The following OR56A1 variants were observed in gnomAD, a reference collection of about 807,000 sequenced individuals.
OR56A1 encodes olfactory receptor 56A1.
For synonymous variants in OR56A1, 174 were observed against 159.1 expected (o/e 1.09, Z -0.70); for missense variants, 360 against 380.9 (o/e 0.94, Z 0.46).
At position 6,025,739 on chromosome 11, in the gene OR56A1, C is replaced by T. The variant is rs1194697023; in HGVS notation, c.*1009G>A. On this transcript the variant is annotated 3_prime_UTR_variant, in exon 2 of 2. Transcript: ENST00000641900. Reference sequence around the variant, plus strand: ...TCCTAGCCTTTTAGGTTCTAATGACCCAACCTCTTTCCAAGTGGAGGTTTC... The same window carrying T: ...TCCTAGCCTTTTAGGTTCTAATGACTCAACCTCTTTCCAAGTGGAGGTTTC... 1 of 152,156 alleles carries T rather than the reference C, an allele frequency of 6.6e-6. No individual in the cohort carries two copies. The highest frequency in any genetic ancestry group is 1.5e-5 in the Non-Finnish European group (1 of 68,038). 9.4% of individuals were successfully genotyped at this position (152,156 alleles called of 1,614,324 possible). A position where few individuals can be genotyped will look rare whatever the true frequency, so the allele number is the denominator to read the frequency against.
In OR56A1 at chr11:6,021,551, T is replaced by C. The variant is rs1848396568; in HGVS notation, c.*5197A>G. On this transcript the variant is annotated 3_prime_UTR_variant, in exon 2 of 2. Coordinates refer to ENST00000641900, the MANE Select transcript of OR56A1 (RefSeq NM_001388488.1). ...ATGAATAATTAAATAAAAAATTATT[T>C]AAAGTACTGATACTAATATTTTATA... 6.6e-6 allele frequency: 1 copy of C among 152,092 alleles called. No individual in the cohort carries two copies. Among genetic ancestry groups the C allele is most frequent in the Non-Finnish European group, 1.5e-5 (1 of 67,990 alleles). The allele number at this position is 152,092 out of a possible 1,614,324, so 9.4% of individuals were successfully genotyped here. A position where few individuals can be genotyped will look rare whatever the true frequency, so the allele number is the denominator to read the frequency against.
chr11:6,031,192 A>G (rs1848508296), upstream of OR56A1, among the ~76,000 whole-genome samples: 1 of 152,188 alleles, frequency 6.6e-6, no homozygotes, highest in Admixed American at 6.5e-5. Context: ...TTGGAAGGAA[A>G]TTCTATGCAA....
At position 6,019,886 on chromosome 11, in the gene OR56A1, C is replaced by T. The variant is rs957734901; in HGVS notation, c.*6862G>A. On this transcript the variant is annotated 3_prime_UTR_variant, in exon 2 of 2. Coordinates refer to ENST00000641900, the MANE Select transcript of OR56A1 (RefSeq NM_001388488.1). Reference sequence around the variant, plus strand: ...TCAAGTAAAAATGAGACCTTGATCCCTCTCTTGGCTCTATCCACAGGCAAA... The same window carrying T: ...TCAAGTAAAAATGAGACCTTGATCCTTCTCTTGGCTCTATCCACAGGCAAA... 2.0e-5 allele frequency: 3 copies of T among 152,068 alleles called. No individual in the cohort carries two copies. Among genetic ancestry groups the T allele is most frequent in the Admixed American group, 2.0e-4 (3 of 15,266 alleles). The allele number at this position is 152,068 out of a possible 1,614,324, so 9.4% of individuals were successfully genotyped here.
chr11:6,034,081 C>G (rs1335211326), upstream of OR56A1, among the ~76,000 whole-genome samples: 1 of 152,152 alleles, frequency 6.6e-6, no homozygotes, highest in Non-Finnish European at 1.5e-5. Flanking sequence ...AAATCAAACC[C>G]TCTTATCTGA....
chr11:6,022,644 A>G lies in OR56A1; in HGVS notation c.*4104T>C, dbSNP rs1564815398. On this transcript the variant is annotated 3_prime_UTR_variant, in exon 2 of 2. Transcript: ENST00000641900. Reference sequence around the variant, plus strand: ...ATGTAGCAAAATGCCTTACTTCTCAATTTTAACTCTGGTCCCTATTGATTA... The same window carrying G: ...ATGTAGCAAAATGCCTTACTTCTCAGTTTTAACTCTGGTCCCTATTGATTA... The G allele has an allele frequency of 6.6e-6, 1 of 152,158 alleles. No homozygotes were observed. Among genetic ancestry groups the G allele is most frequent in the African/African-American group, 2.4e-5 (1 of 41,436 alleles). 9.4% of individuals were successfully genotyped at this position (152,158 alleles called of 1,614,324 possible).
In OR56A1 at chr11:6,022,247, A is replaced by C. The variant is rs36038256; in HGVS notation, c.*4501T>G. The C allele has an allele frequency of 0.15, 22,414 of 152,126 alleles. 1,776 individuals are homozygous for C. Among genetic ancestry groups the C allele is most frequent in the Admixed American group, 0.18 (2,808 of 15,268 alleles). The allele number at this position is 152,126 out of a possible 1,614,324, so 9.4% of individuals were successfully genotyped here. On this transcript the variant is annotated 3_prime_UTR_variant, in exon 2 of 2. Coordinates refer to ENST00000641900, the MANE Select transcript of OR56A1 (RefSeq NM_001388488.1). Reference sequence around the variant, plus strand: ...CCCTAAAGCTTACAAAATCCTGCATATTCTTTCTCTTTCTGGCTTGCCACC... The same window carrying C: ...CCCTAAAGCTTACAAAATCCTGCATCTTCTTTCTCTTTCTGGCTTGCCACC...
rs1564814798 is a variant in OR56A1 at position 6,019,807 on chromosome 11, T to G, written c.*6941A>C. 6.6e-6 allele frequency: 1 copy of G among 152,142 alleles called. No homozygotes were observed. The highest frequency in any genetic ancestry group is 1.5e-5 in the Non-Finnish European group (1 of 67,986). 9.4% of individuals were successfully genotyped at this position (152,142 alleles called of 1,614,324 possible). ...AAGCCAAAAGTGAATGTCAGAAGGCTTTTTCTCAAAAGCATTTAGGCACAG... is the reference window on the plus strand; with the variant it reads ...AAGCCAAAAGTGAATGTCAGAAGGCGTTTTCTCAAAAGCATTTAGGCACAG... On this transcript the variant is annotated 3_prime_UTR_variant, in exon 2 of 2. Transcript: ENST00000641900.
At chr11:6,028,576 A>T (rs1156968148) in intron 1 of OR56A1, among the ~76,000 whole-genome samples, 1 of 152,194 alleles carries the variant, frequency 6.6e-6, no homozygotes, top group African/African-American at 2.4e-5. Context: ...CTAAAATCAT[A>T]GTGAGATACA....
upstream of OR56A1, among the ~76,000 whole-genome samples, chr11:6,033,785 T>G (rs553737242): frequency 5.3e-5 from 8 of 152,262 alleles, no homozygotes; most frequent in South Asian, 8.3e-4. Flanking sequence ...AAAAATGATC[T>G]TGATTAAATA....
upstream of OR56A1, among the ~76,000 whole-genome samples, chr11:6,031,716 C>G (rs558019456): frequency 1.3e-5 from 2 of 152,020 alleles, no homozygotes; most frequent in Admixed American, 1.3e-4. Flanking sequence ...ATGTCAAGAA[C>G]GAGGTGTTTA....
At position 6,027,193 on chromosome 11, in the gene OR56A1, G is replaced by T; in HGVS notation, c.500C>A (p.Ser167Tyr). ...LLTAPIPILT[S>Y]LLHYCGENVI... Reference sequence around the variant, plus strand: ...ATTTTCCCCACAGTAATGGAGCAGGGAAGTGAGGATAGGAATGGGTGCAGT... The same window carrying T: ...ATTTTCCCCACAGTAATGGAGCAGGTAAGTGAGGATAGGAATGGGTGCAGT... Residue 167 changes from serine (S) to tyrosine (Y), a missense_variant, in exon 2 of 2, where the codon TCC becomes TAC. Physicochemically the swap from Ser to Tyr is moderately radical, Grantham distance 144 (BLOSUM62 -2). Transcript: ENST00000641900. 6.2e-7 allele frequency: 1 copy of T among 1,614,234 alleles called. No individual in the cohort carries two copies. The highest frequency in any genetic ancestry group is 8.5e-7 in the Non-Finnish European group (1 of 1,180,036).
upstream of OR56A1, among the ~76,000 whole-genome samples, chr11:6,032,001 GT>G (rs1366634646): frequency 2.0e-5 from 3 of 152,048 alleles, no homozygotes; most frequent in African/African-American, 7.2e-5. Flanking sequence ...TTCAAGAAGG[GT>G]TTTACTAACT....
upstream of OR56A1, among the ~76,000 whole-genome samples, chr11:6,031,103 A>C (rs910947761): frequency 1.3e-5 from 2 of 152,220 alleles, no homozygotes; most frequent in African/African-American, 4.8e-5. Flanking sequence ...GAGGATTTAC[A>C]TGCATTAAAT....
chr11:6,030,981 A>G (rs1590491010), upstream of OR56A1, among the ~76,000 whole-genome samples: 1 of 152,216 alleles, frequency 6.6e-6, no homozygotes, highest in East Asian at 1.9e-4. Flanking sequence ...TAGACATATG[A>G]GCAGAATAAT....
Position 6,027,500 on chromosome 11 carries a change from G to T in OR56A1, c.193C>A (p.Leu65Met). The change falls in exon 2 of 2, where the codon CTG becomes ATG. Residue 65 changes from leucine to methionine, a missense_variant. By Grantham distance (15) the Leu-to-Met change is conservative. Coordinates refer to ENST00000641900, the MANE Select transcript of OR56A1 (RefSeq NM_001388488.1). The part of the protein sequence containing the change: ...EASLHQPLYY[L>M]LSLLSLLDIV... ...TCCAGCAGGGAGAGGAGGCTGAGCA[G>T]GTAGTACAGGGGCTGGTGCAGAGAG... 6.2e-7 allele frequency: 1 copy of T among 1,614,132 alleles called. No homozygotes were observed. The highest frequency in any genetic ancestry group is 1.1e-5 in the South Asian group (1 of 91,070).
rs1848398245 is a variant in OR56A1 at position 6,021,726 on chromosome 11, A to G, written c.*5022T>C. On this transcript the variant is annotated 3_prime_UTR_variant, in exon 2 of 2. Coordinates refer to ENST00000641900, the MANE Select transcript of OR56A1 (RefSeq NM_001388488.1). Reference sequence around the variant, plus strand: ...GCACAAACCCCCAAAGGCAGATGGCATTAAAAAAACAATAAAAAGCAATGA... The same window carrying G: ...GCACAAACCCCCAAAGGCAGATGGCGTTAAAAAAACAATAAAAAGCAATGA... 6.6e-6 allele frequency: 1 copy of G among 152,136 alleles called. No homozygotes were observed. Among genetic ancestry groups the G allele is most frequent in the Admixed American group, 6.6e-5 (1 of 15,264 alleles). 9.4% of individuals were successfully genotyped at this position (152,136 alleles called of 1,614,324 possible).
rs1848420808 is a variant in OR56A1 at position 6,023,883 on chromosome 11, A to C, written c.*2865T>G. ...CACAGCAGAGTTGGGTCTGCCCTTCATGGTCTGATTCTTTGGTTATCTTGC... is the reference window on the plus strand; with the variant it reads ...CACAGCAGAGTTGGGTCTGCCCTTCCTGGTCTGATTCTTTGGTTATCTTGC... On this transcript the variant is annotated 3_prime_UTR_variant, in exon 2 of 2. Transcript: ENST00000641900. 6.6e-6 allele frequency: 1 copy of C among 152,216 alleles called. No homozygotes were observed. The highest frequency in any genetic ancestry group is 2.1e-4 in the South Asian group (1 of 4,836). 9.4% of individuals were successfully genotyped at this position (152,216 alleles called of 1,614,324 possible).
rs746712242 is a variant in OR56A1, at chr11:6,027,343, G to C, written c.350C>G (p.Thr117Arg). Reference protein sequence around the residue: ...MNSFLPMESCTFMVMAYDRYV... With the variant: ...MNSFLPMESCRFMVMAYDRYV... ...ACGGTCATAGGCCATGACCATAAAC[G>C]TGCAGGACTCCATGGGGAGGAAACT... The change falls in exon 2 of 2, where the codon ACG becomes AGG. Residue 117 changes from threonine to arginine, a missense_variant. Thr to Arg is a moderately conservative substitution (Grantham distance 71). Transcript: ENST00000641900. 1.2e-6 allele frequency: 2 copies of C among 1,614,226 alleles called. No homozygotes were observed. The highest frequency in any genetic ancestry group is 1.3e-5 in the African/African-American group (1 of 75,052).
At position 6,020,204 on chromosome 11, in the gene OR56A1, A is replaced by G. The variant is rs1008753509; in HGVS notation, c.*6544T>C. 6.6e-6 allele frequency: 1 copy of G among 152,152 alleles called. No individual in the cohort carries two copies. The highest frequency in any genetic ancestry group is 2.4e-5 in the African/African-American group (1 of 41,436). 9.4% of individuals were successfully genotyped at this position (152,152 alleles called of 1,614,324 possible). A position where few individuals can be genotyped will look rare whatever the true frequency, so the allele number is the denominator to read the frequency against. On this transcript the variant is annotated 3_prime_UTR_variant, in exon 2 of 2. Transcript: ENST00000641900. ...TTTCCAATCAAATACCAGGATCTTA[A>G]CATAATCATAGCAGAATGTCAAGGC...
Sources: allele counts gnomAD v4.1 joint callset (sites outside exome capture counted in the v4.1 genomes callset), GRCh38; gene constraint gnomAD v4.1.1; transcripts MANE v1.5; gene names NCBI Gene and HGNC (gene_info 2026-07-23, HGNC 2026-07-21).